The following COG5 variants were observed in gnomAD, a reference collection of about 807,000 sequenced individuals.
COG5 encodes the protein conserved oligomeric Golgi complex subunit 5.
COG5 carries 86 observed loss-of-function variants against 110.4 expected under a neutral mutation model. That is an observed-to-expected ratio of 0.78 (90% CI 0.65 to 0.93). The LOEUF (loss-of-function observed/expected upper bound fraction) is 0.93, where lower values mean the gene tolerates loss of function less well. Ranked by LOEUF, COG5 falls within the 40% of genes least tolerant of loss-of-function variation. The pLI is 0.00. For missense variants in COG5, 1,077 were observed against 987.0 expected, an observed-to-expected ratio of 1.09 and a Z score of -1.22; for synonymous variants, 360 against 334.6, an observed-to-expected ratio of 1.08 and a Z score of -0.83.
At chr7:107,382,272 T>C (rs1815192081) in intron 7 of COG5, among the ~76,000 whole-genome samples, 1 of 152,164 alleles carries the variant, frequency 6.6e-6, no homozygotes, top group African/African-American at 2.4e-5. Context: ...TATTTGAGGA[T>C]ACAAACCCAT....
At chr7:107,397,350 GA>G (rs1563009808) in intron 7 of COG5, among the ~76,000 whole-genome samples, 2 of 152,096 alleles carry the variant, frequency 1.3e-5, no homozygotes, top group South Asian at 4.1e-4. Flanking sequence ...TGATGGAATG[GA>G]AAAAAGAAAG....
intron 6 of COG5, among the ~76,000 whole-genome samples, chr7:107,497,096 G>C (rs566218550): frequency 5.9e-5 from 9 of 152,172 alleles, no homozygotes; most frequent in African/African-American, 2.2e-4. Flanking sequence ...CTGTGTCCCA[G>C]CCACTCAAGT....
At chr7:107,561,305 C>T (rs1803755792) in intron 1 of COG5, among the ~76,000 whole-genome samples, 1 of 152,088 alleles carries the variant, frequency 6.6e-6, no homozygotes. Context: ...GCCAAATCCC[C>T]GATATAGTGA....
chr7:107,351,680 C>T (rs943099934), intron 10 of COG5, among the ~76,000 whole-genome samples: 1 of 152,094 alleles, frequency 6.6e-6, no homozygotes, highest in African/African-American at 2.4e-5. Flanking sequence ...CAAAAGAAGA[C>T]ATTTATGCAG....
At position 107,563,544 on chromosome 7, in the gene COG5, T is replaced by TG. The variant is rs71134268; in HGVS notation, c.94+258dup. 12,333 of 253,804 alleles carry TG rather than the reference T, an allele frequency of 0.049. 141 individuals carry two copies. The highest frequency in any genetic ancestry group is 0.087 in the Middle Eastern group (88 of 1,008). The allele number at this position is 253,804 out of a possible 1,614,324, so 15.7% of individuals were successfully genotyped here. Reference sequence around the variant, plus strand: ...CGAAACTTCAGGGAAGCTGGAGGCATGGGGGGGGGGGGGGTCGAGTTGAAA... The same window carrying TG: ...CGAAACTTCAGGGAAGCTGGAGGCATGGGGGGGGGGGGGGGTCGAGTTGAAA... On this transcript the variant is annotated intron_variant, in intron 1 of 21. Transcript: ENST00000297135.
At chr7:107,313,555 T>C (rs753867147) in intron 11 of COG5, among the ~76,000 whole-genome samples, 1 of 152,194 alleles carries the variant, frequency 6.6e-6, no homozygotes, top group South Asian at 2.1e-4. Context: ...AAAATCAATG[T>C]GTCAGCAGTA....
chr7:107,426,097 A>C (rs949239805), intron 6 of COG5, among the ~76,000 whole-genome samples: 4 of 152,162 alleles, frequency 2.6e-5, no homozygotes, highest in Non-Finnish European at 4.4e-5. Context: ...AAGCAAACTT[A>C]CTGACATCTT....
Position 107,476,043 on chromosome 7 carries a change from T to C in COG5, c.538+51194A>G, listed in dbSNP as rs562998392. On this transcript the variant is annotated intron_variant, in intron 6 of 21. Coordinates refer to ENST00000297135, the MANE Select transcript of COG5 (RefSeq NM_006348.5). Reference sequence around the variant, plus strand: ...GGAAAAAAAAGATTGATTTTCTAAGTTCAAGGACAGTATGCCTATAATATA... The same window carrying C: ...GGAAAAAAAAGATTGATTTTCTAAGCTCAAGGACAGTATGCCTATAATATA... 6.8e-4 allele frequency among the ~76,000 whole-genome samples: 103 copies of C among 150,778 alleles called. 3 individuals carry two copies. In the South Asian group the frequency reaches 0.015, roughly 21 times the overall value.
At chr7:107,532,276 C>T (rs1164855549) in intron 5 of COG5, among the ~76,000 whole-genome samples, 1 of 152,048 alleles carries the variant, frequency 6.6e-6, no homozygotes, top group Non-Finnish European at 1.5e-5. Flanking sequence ...AGGCTGATCT[C>T]GAACTCCTGA....
chr7:107,223,832 G>A (rs556938130), intron 19 of COG5, among the ~76,000 whole-genome samples: 2 of 152,280 alleles, frequency 1.3e-5, no homozygotes, highest in East Asian at 3.9e-4. Context: ...GGTTTTAATT[G>A]CCTCATGGGG....
At chr7:107,390,651 G>A (rs1790555454) in intron 7 of COG5, among the ~76,000 whole-genome samples, 1 of 151,144 alleles carries the variant, frequency 6.6e-6, no homozygotes, top group Admixed American at 6.6e-5. Flanking sequence ...CCATATGGAA[G>A]GGTATGCAAG....
At position 107,203,216 on chromosome 7, in the gene COG5, T is replaced by C; in HGVS notation, c.*300A>G. On this transcript the variant is annotated 3_prime_UTR_variant, in exon 22 of 22. Coordinates refer to ENST00000297135, the MANE Select transcript of COG5 (RefSeq NM_006348.5). The stretch of plus-strand genomic sequence containing the variant: ...AAAAGAAGTGGGGACTTTGGGTTTA[T>C]GTACCCATAGGAGGACTTGGTTATG... 9.8e-6 allele frequency: 4 copies of C among 407,844 alleles called. No individual in the cohort carries two copies. The highest frequency in any genetic ancestry group is 1.4e-5 in the Non-Finnish European group (3 of 218,092). 25.3% of individuals were successfully genotyped at this position (407,844 alleles called of 1,614,324 possible). A position where few individuals can be genotyped will look rare whatever the true frequency, so the allele number is the denominator to read the frequency against.
In COG5 at chr7:107,298,352, A is replaced by G; in HGVS notation, c.1109-6T>C. 6.2e-7 allele frequency: 1 copy of G among 1,606,480 alleles called. No individual in the cohort carries two copies. The highest frequency in any genetic ancestry group is 8.5e-7 in the Non-Finnish European group (1 of 1,173,692). The stretch of plus-strand genomic sequence containing the variant: ...CTGCTTCAAAAACATCGAAGCTGCC[A>G]AGCAAAACAAGAACATGAATTAGAA... On this transcript the variant is annotated splice_polypyrimidine_tract_variant and splice_region_variant and intron_variant, in intron 11 of 21. Coordinates refer to ENST00000297135, the MANE Select transcript of COG5 (RefSeq NM_006348.5).
intron 12 of COG5, among the ~76,000 whole-genome samples, chr7:107,289,670 T>C (rs1805996603): frequency 1.3e-5 from 2 of 152,228 alleles, no homozygotes; most frequent in African/African-American, 4.8e-5. Flanking sequence ...AGATATTTCT[T>C]TGAACAATAT....
chr7:107,362,442 C>A, intron 8 of COG5, 22 bp from the exon 9 acceptor site: 1 of 1,537,248 alleles, frequency 6.5e-7, no homozygotes, highest in Non-Finnish European at 9.0e-7. Context: ...TGAGAAAGAA[C>A]AATGAAAAAT....
rs147866059 is a variant in COG5, at chr7:107,398,463, C to A, written c.669+14039G>T. ...GCAGCGTTCGATTCTCATAGGAGTG[C>A]GAACCCTATTGCTAACTGCACACGC... is the stretch of plus-strand genomic sequence containing the variant. On this transcript the variant is annotated intron_variant, in intron 7 of 21. Coordinates refer to ENST00000297135, the MANE Select transcript of COG5 (RefSeq NM_006348.5). 1.7e-3 allele frequency among the ~76,000 whole-genome samples: 264 copies of A among 152,264 alleles called. 4 individuals are homozygous for A. The East Asian group carries it at 0.026, about 15-fold the overall frequency.
In COG5 at chr7:107,415,974, A is replaced by G. The variant is rs963976272; in HGVS notation, c.539-3342T>C. Among the ~76,000 whole-genome samples, 4 of 122,204 alleles carry G rather than the reference A, an allele frequency of 3.3e-5. 1 individual carries two copies. The allele number at this position is 122,204 out of a possible 152,430, so 80.2% of individuals were successfully genotyped here. ...TATGTGTGTGTATATACACACACAT[A>G]CACGTATGTATATATGTGTGTATAT... On this transcript the variant is annotated intron_variant, in intron 6 of 21. Coordinates refer to ENST00000297135, the MANE Select transcript of COG5 (RefSeq NM_006348.5).
chr7:107,507,995 C>T (rs1352943297), intron 6 of COG5, among the ~76,000 whole-genome samples: 5 of 152,196 alleles, frequency 3.3e-5, no homozygotes, highest in East Asian at 3.9e-4. Flanking sequence ...TCTGAGGTAT[C>T]GCGTTCATCT....
At chr7:107,348,478 AG>A (rs1360362085) in intron 10 of COG5, among the ~76,000 whole-genome samples, 1 of 152,212 alleles carries the variant, frequency 6.6e-6, no homozygotes, top group Non-Finnish European at 1.5e-5. Context: ...TAAAGGCTAC[AG>A]GACTGTGGAT....
Sources: gnomAD v4.1 joint callset for allele counts (sites outside exome capture counted in the v4.1 genomes callset) on GRCh38, gnomAD v4.1.1 for gene constraint, MANE v1.5 for transcripts, NCBI Gene and HGNC (gene_info 2026-07-23, HGNC 2026-07-21) for gene names.